The following SYNDIG1L variants were observed in gnomAD, a reference collection of about 807,000 sequenced individuals.
SYNDIG1L encodes synapse differentiation-inducing gene protein 1-like.
Under a neutral mutation model 20.1 loss-of-function variants are expected in SYNDIG1L, and 13 were observed. The ratio of observed to expected loss-of-function variants is 0.65; its 90% CI spans 0.42 to 1.03. The LOEUF is 1.03. SYNDIG1L is among the 50% of genes least tolerant of loss of function. SYNDIG1L has a pLI of 0.00. For synonymous variants in SYNDIG1L, 128 were observed against 129.3 expected, an observed-to-expected ratio of 0.99 and a Z score of 0.07; for missense variants, 294 against 305.1, an observed-to-expected ratio of 0.96 and a Z score of 0.27.
At chr14:74,448,925 A>G in the SYNDIG1L span, among the ~76,000 whole-genome samples, 1 of 152,194 alleles carries the variant, frequency 6.6e-6, no homozygotes, top group South Asian at 2.1e-4. Flanking sequence ...TTGGAAAAAA[A>G]GAGAAAAGAA....
the SYNDIG1L span, among the ~76,000 whole-genome samples, chr14:74,467,488 C>T: frequency 2.1e-4 from 32 of 152,160 alleles, no homozygotes; most frequent in Admixed American, 6.5e-5. Flanking sequence ...CCTCCACCCC[C>T]AGAGCAGCTC....
chr14:74,422,478 A>C (rs1035442558), intron 1 of SYNDIG1L, among the ~76,000 whole-genome samples: 1 of 151,822 alleles, frequency 6.6e-6, no homozygotes, highest in Non-Finnish European at 1.5e-5. Flanking sequence ...CTGTCTGCCC[A>C]GTGTACTTTG....
chr14:74,449,783 T>G, the SYNDIG1L span, among the ~76,000 whole-genome samples: 8 of 151,582 alleles, frequency 5.3e-5, no homozygotes, highest in Admixed American at 3.9e-4. Flanking sequence ...CACTTAGAAA[T>G]GAACAAAAGT....
At chr14:74,416,261 T>C (rs2086173859) in intron 1 of SYNDIG1L, among the ~76,000 whole-genome samples, 2 of 152,232 alleles carry the variant, frequency 1.3e-5, no homozygotes, top group Non-Finnish European at 2.9e-5. Context: ...TAGGACTACA[T>C]ATATTTCACA....
At chr14:74,463,731 C>T in the SYNDIG1L span, among the ~76,000 whole-genome samples, 2 of 152,202 alleles carry the variant, frequency 1.3e-5, no homozygotes, top group East Asian at 1.9e-4. Context: ...GAAATATGAC[C>T]GACTGTTCTG....
chr14:74,424,071 A>T (rs2086246123), intron 1 of SYNDIG1L, among the ~76,000 whole-genome samples: 1 of 152,170 alleles, frequency 6.6e-6, no homozygotes, highest in Admixed American at 6.5e-5. Flanking sequence ...CACTCCATTC[A>T]TAAAATCCAG....
chr14:74,410,443 C>T (rs1306555075), intron 1 of SYNDIG1L, among the ~76,000 whole-genome samples: 2 of 152,142 alleles, frequency 1.3e-5, no homozygotes, highest in Non-Finnish European at 1.5e-5. Flanking sequence ...GGGGCCAGAC[C>T]GTGCAGCCTT....
rs1382948011 is a variant in SYNDIG1L at position 74,426,099 on chromosome 14, C to G, written c.-245G>C. On this transcript the variant is annotated 5_prime_UTR_variant, in exon 1 of 4. Coordinates refer to ENST00000331628, the MANE Select transcript of SYNDIG1L (RefSeq NM_001105579.2). Reference sequence around the variant, plus strand: ...ACAGCTCCCGCCCGCAGCCCGCCGCCGCCGCCCGCCCCGCCCCGCGCGGTC... The same window carrying G: ...ACAGCTCCCGCCCGCAGCCCGCCGCGGCCGCCCGCCCCGCCCCGCGCGGTC... 1 of 149,226 alleles carries G rather than the reference C, an allele frequency of 6.7e-6. No individual in the cohort carries two copies. Among genetic ancestry groups the G allele is most frequent in the Non-Finnish European group, 1.5e-5 (1 of 66,612 alleles). 9.2% of individuals were successfully genotyped at this position (149,226 alleles called of 1,614,324 possible).
chr14:74,411,702 G>C (rs2086131845), intron 1 of SYNDIG1L, among the ~76,000 whole-genome samples: 1 of 152,146 alleles, frequency 6.6e-6, no homozygotes, highest in African/African-American at 2.4e-5. Context: ...TCCATGAGGG[G>C]CCAGGATCCC....
At chr14:74,411,554 G>T (rs1028033465) in intron 1 of SYNDIG1L, among the ~76,000 whole-genome samples, 14 of 152,214 alleles carry the variant, frequency 9.2e-5, no homozygotes, top group African/African-American at 3.4e-4. Flanking sequence ...TGCCCCAAGA[G>T]AAATGTCTGG....
At chr14:74,438,361 T>G in the SYNDIG1L span, among the ~76,000 whole-genome samples, 1 of 152,322 alleles carries the variant, frequency 6.6e-6, no homozygotes, top group South Asian at 2.1e-4. Flanking sequence ...AACTCCACCT[T>G]AGGTAAACTC....
At chr14:74,429,923 T>C (rs776670856), upstream of SYNDIG1L, among the ~76,000 whole-genome samples, 13 of 152,206 alleles carry the variant, frequency 8.5e-5, no homozygotes, top group African/African-American at 2.7e-4. Context: ...AACTTCTTAT[T>C]TGGGGGGCTT....
At chr14:74,431,304 TG>T in the SYNDIG1L span, among the ~76,000 whole-genome samples, 1 of 152,150 alleles carries the variant, frequency 6.6e-6, no homozygotes, top group Admixed American at 6.6e-5. Context: ...GCTTGGAAAG[TG>T]AGCCTTTCTC....
the SYNDIG1L span, among the ~76,000 whole-genome samples, chr14:74,464,169 G>A: frequency 1.3e-5 from 2 of 152,112 alleles, no homozygotes; most frequent in East Asian, 1.9e-4. Flanking sequence ...TAGGGTTGTG[G>A]GTAGGGAGTG....
At chr14:74,444,476 C>T in the SYNDIG1L span, among the ~76,000 whole-genome samples, 1 of 151,842 alleles carries the variant, frequency 6.6e-6, no homozygotes, top group African/African-American at 2.4e-5. Context: ...TAAGGCTGGG[C>T]ATGGTGGCTC....
the SYNDIG1L span, among the ~76,000 whole-genome samples, chr14:74,470,236 T>C: frequency 2.6e-5 from 4 of 152,198 alleles, no homozygotes; most frequent in Non-Finnish European, 4.4e-5. Context: ...ATTTGACTTA[T>C]TTCCAGCCCT....
the SYNDIG1L span, among the ~76,000 whole-genome samples, chr14:74,445,676 T>C: frequency 2.0e-5 from 3 of 152,090 alleles, no homozygotes; most frequent in African/African-American, 7.2e-5. Flanking sequence ...AGGGTTTCAC[T>C]ATGTTGGCCA....
chr14:74,422,099 G>A (rs896042106), intron 1 of SYNDIG1L, among the ~76,000 whole-genome samples: 5 of 152,144 alleles, frequency 3.3e-5, no homozygotes, highest in East Asian at 1.9e-4. Context: ...CTGTCTCTCC[G>A]CTGAAGCAGC....
chr14:74,468,734 A>G, the SYNDIG1L span, among the ~76,000 whole-genome samples: 3 of 151,784 alleles, frequency 2.0e-5, no homozygotes, highest in Non-Finnish European at 4.4e-5. Context: ...TGACCCAACC[A>G]TCCCACACAC....
Sources: gnomAD v4.1 joint callset for allele counts (sites outside exome capture counted in the v4.1 genomes callset) on GRCh38, gnomAD v4.1.1 for gene constraint, MANE v1.5 for transcripts, NCBI Gene and HGNC (gene_info 2026-07-23, HGNC 2026-07-21) for gene names.